Variants in NPC1 observed in about 807,000 individuals in gnomAD.
The protein encoded by NPC1 is Niemann-Pick C1 protein.
Under a neutral mutation model 140.4 loss-of-function variants are expected in NPC1, and 85 were observed. The observed-to-expected ratio is 0.61, with a 90% CI of 0.51 to 0.72. The LOEUF (loss-of-function observed/expected upper bound fraction) is 0.72. Among genes scored for constraint, NPC1 ranks in the 30% least tolerant of loss-of-function variants. NPC1 has a pLI of 0.00. For synonymous variants in NPC1, 656 were observed against 624.8 expected, an observed-to-expected ratio of 1.05 and a Z score of -0.74; for missense variants, 1,504 against 1,623.8, an observed-to-expected ratio of 0.93 and a Z score of 1.27.
intron 5 of NPC1, among the ~76,000 whole-genome samples, chr18:23,560,686 G>T (rs902834925): frequency 2.0e-5 from 3 of 152,182 alleles, no homozygotes; most frequent in African/African-American, 7.2e-5. Context: ...GCGCGTAGGG[G>T]TTTGTCACTG....
intron 4 of NPC1, among the ~76,000 whole-genome samples, chr18:23,567,615 C>G (rs2059144530): frequency 6.6e-6 from 1 of 152,218 alleles, no homozygotes; most frequent in African/African-American, 2.4e-5. Context: ...CAATTTTTCA[C>G]AATCACAATA....
intron 3 of NPC1, among the ~76,000 whole-genome samples, chr18:23,570,498 T>C (rs1335425005): frequency 1.3e-5 from 2 of 152,222 alleles, no homozygotes; most frequent in Non-Finnish European, 2.9e-5. Flanking sequence ...AAAAAACAAT[T>C]TAGTGGTGGT....
intron 3 of NPC1, among the ~76,000 whole-genome samples, chr18:23,514,037 T>C (rs1299921004): frequency 6.6e-6 from 1 of 152,256 alleles, no homozygotes; most frequent in Non-Finnish European, 1.5e-5. Flanking sequence ...CTGTTCCAGC[T>C]TCCTGACCTA....
downstream of NPC1, chr18:23,529,117 C>T: frequency 7.0e-6 from 11 of 1,573,558 alleles, no homozygotes; most frequent in Non-Finnish European, 8.6e-6. Context: ...TGTGGATGAA[C>T]TGTAAACAGC....
At chr18:23,544,939 C>T (rs757285692) in intron 12 of NPC1, 21 bp downstream of exon 12, 1 of 1,325,698 alleles carries the variant, frequency 7.5e-7, no homozygotes, top group South Asian at 1.2e-5. Context: ...CTAGAACATA[C>T]ACCACCCCCC....
In NPC1 at chr18:23,544,418, C is replaced by A. The variant is rs1248644148; in HGVS notation, c.2056G>T (p.Val686Leu). 6.2e-7 allele frequency: 1 copy of A among 1,614,062 alleles called. No individual in the cohort carries two copies. The highest frequency in any genetic ancestry group is 1.3e-5 in the African/African-American group (1 of 74,912). Residue 686 changes from valine to leucine, a missense_variant, in exon 13 of 25, where the codon GTG becomes TTG. Val to Leu is a conservative substitution (Grantham distance 32, BLOSUM62 1). Coordinates refer to ENST00000269228, the MANE Select transcript of NPC1 (RefSeq NM_000271.5). The part of the protein sequence containing the change: ...SYIGLPLTLI[V>L]IEVIPFLVLA... ...ACCAGGAACGGGATGACTTCAATCACAATGAGGGTCAAGGGCAACCCAATG... is the reference window on the plus strand; with the variant it reads ...ACCAGGAACGGGATGACTTCAATCAAAATGAGGGTCAAGGGCAACCCAATG...
intron 1 of NPC1, chr18:23,524,105 G>A: frequency 6.2e-7 from 1 of 1,613,714 alleles, no homozygotes. Flanking sequence ...CTGCATCGTT[G>A]CACTTATGTT....
chr18:23,562,617 A>G (rs1001789215), intron 4 of NPC1, among the ~76,000 whole-genome samples: 2 of 152,160 alleles, frequency 1.3e-5, no homozygotes, highest in Non-Finnish European at 2.9e-5. Flanking sequence ...TCCAGGCTCT[A>G]TCATGGCTGG....
Position 23,571,355 on chromosome 18 carries a change from GA to G in NPC1, c.287+718del, listed in dbSNP as rs561119377. Among the ~76,000 whole-genome samples the G allele has an allele frequency of 6.9e-3, 1,051 of 151,766 alleles. 6 individuals carry two copies. The highest frequency in any genetic ancestry group is 0.01 in the Middle Eastern group (3 of 294). On this transcript the variant is annotated intron_variant, in intron 3 of 24. Transcript: ENST00000269228. Reference sequence around the variant, plus strand: ...CAACATAGTGAGACCCTCATCTCTAGAAAAAAATAAAAATTAGGCTAGGTGC... The same window carrying G: ...CAACATAGTGAGACCCTCATCTCTAGAAAAAATAAAAATTAGGCTAGGTGC...
chr18:23,585,916 A>ATAAC (rs1416673024), intron 1 of NPC1, among the ~76,000 whole-genome samples: 2 of 152,254 alleles, frequency 1.3e-5, no homozygotes, highest in Non-Finnish European at 2.9e-5. Flanking sequence ...TAAAGTGGTT[A>ATAAC]GAGCTCCTAA....
In NPC1 at chr18:23,543,004, T is replaced by C. The variant is rs894017541; in HGVS notation, c.2245+451A>G. 6.6e-5 allele frequency among the ~76,000 whole-genome samples: 10 copies of C among 152,256 alleles called. No homozygotes were observed. The South Asian group carries it at 8.3e-4, about 13-fold the overall frequency. ...CAATTTTTCTGTGGTCCAGTGATAC[T>C]TTCCCAGTGCAGAACAAAGCTTAAA... On this transcript the variant is annotated intron_variant, in intron 14 of 24. Transcript: ENST00000269228.
chr18:23,514,682 G>T (rs189863594), intron 3 of NPC1, among the ~76,000 whole-genome samples: 518 of 152,306 alleles, frequency 3.4e-3, no homozygotes, highest in Middle Eastern at 0.01. Context: ...GCTTTCTGGG[G>T]GAGTTCCCTA....
intron 20 of NPC1, among the ~76,000 whole-genome samples, chr18:23,537,906 T>A (rs928987735): frequency 3.9e-5 from 6 of 152,194 alleles, no homozygotes; most frequent in Non-Finnish European, 8.8e-5. Context: ...TATGTTCTTA[T>A]GAAAAACCTA....
At chr18:23,521,686 ACTCT>A (rs199587912), downstream of NPC1, among the ~76,000 whole-genome samples, 7 of 96,396 alleles carry the variant, frequency 7.3e-5, no homozygotes, top group East Asian at 4.0e-4. Context: ...TTCAACACAC[ACTCT>A]CTCTCTTTTT....
intron 6 of NPC1, among the ~76,000 whole-genome samples, chr18:23,559,038 C>T (rs1347630786): frequency 1.3e-5 from 2 of 152,196 alleles, no homozygotes; most frequent in Non-Finnish European, 2.9e-5. Context: ...CAAGTCCCTA[C>T]AAAGGACATG....
chr18:23,543,207 T>TA (rs2058735144), intron 14 of NPC1, among the ~76,000 whole-genome samples: 2 of 151,944 alleles, frequency 1.3e-5, no homozygotes, highest in African/African-American at 4.8e-5. Context: ...TACGTGCCTT[T>TA]AATCCCAGCT....
chr18:23,570,612 T>C (rs1374849558), intron 3 of NPC1, among the ~76,000 whole-genome samples: 1 of 152,212 alleles, frequency 6.6e-6, no homozygotes, highest in Non-Finnish European at 1.5e-5. Context: ...CAGAGAAGCA[T>C]TTTCCCTTTT....
intron 1 of NPC1, among the ~76,000 whole-genome samples, chr18:23,523,429 G>A (rs1225614508): frequency 2.6e-5 from 4 of 151,384 alleles, no homozygotes; most frequent in Non-Finnish European, 5.9e-5. Context: ...ATAATTAAGT[G>A]GCTGGGCACA....
intron 1 of NPC1, chr18:23,524,151 A>G: frequency 6.2e-7 from 1 of 1,614,076 alleles, no homozygotes. Flanking sequence ...GTGACCAGCC[A>G]GTCTCCTGTT....
Sources: gnomAD v4.1 joint callset for allele counts (sites outside exome capture counted in the v4.1 genomes callset) on GRCh38, gnomAD v4.1.1 for gene constraint, MANE v1.5 for transcripts, NCBI Gene and HGNC (gene_info 2026-07-23, HGNC 2026-07-21) for gene names.